Variants in ZNF316 observed in about 807,000 individuals in gnomAD.
ZNF316 encodes zinc finger protein 316.
In ZNF316, 23 loss-of-function variants were observed where a neutral mutation model predicts 75.6. That is an observed-to-expected ratio of 0.30 (90% CI 0.22 to 0.43). The LOEUF (loss-of-function observed/expected upper bound fraction) is 0.43. ZNF316 is among the 20% of genes least tolerant of loss of function. ZNF316 has a pLI of 1.00. For synonymous variants in ZNF316, 827 were observed against 666.2 expected, an observed-to-expected ratio of 1.24 and a Z score of -3.72; for missense variants, 1,266 against 1,409.4, an observed-to-expected ratio of 0.90 and a Z score of 1.63.
intron 8 of ZNF316, among the ~76,000 whole-genome samples, chr7:6,651,888 C>T (rs1779513709): frequency 6.6e-6 from 1 of 152,194 alleles, no homozygotes; most frequent in Admixed American, 6.5e-5. Flanking sequence ...GAAAACTGCC[C>T]CAGCGTCTCC....
chr7:6,646,692 C>T (rs1175374998), intron 8 of ZNF316, among the ~76,000 whole-genome samples: 3 of 152,208 alleles, frequency 2.0e-5, no homozygotes, highest in South Asian at 4.1e-4. Flanking sequence ...GCTACCCTCC[C>T]CTGATGCTCC....
Position 6,652,821 on chromosome 7 carries a change from C to T in ZNF316, c.1225C>T (p.Arg409Cys). The T allele has an allele frequency of 2.4e-6, 3 of 1,260,590 alleles. No homozygotes were observed. Among genetic ancestry groups the T allele is most frequent in the Non-Finnish European group, 3.0e-6 (3 of 1,002,778 alleles). 78.1% of individuals were successfully genotyped at this position (1,260,590 alleles called of 1,614,324 possible). ...CTTCCCGTGCCCGGACTGCGGCAAG[C>T]GCTTCGTCTACAAGTCGCACCTGGT... ...KPFPCPDCGK[R>C]FVYKSHLVTH... Residue 409 changes from arginine to cysteine, a missense_variant, in exon 9 of 9, where the codon CGC (arginine) becomes TGC (cysteine). Physicochemically the swap from Arg to Cys is radical, Grantham distance 180. Transcript: ENST00000382252.
At position 6,639,729 on chromosome 7, in the gene ZNF316, C is replaced by T. The variant is rs1779279721; in HGVS notation, c.-167+588C>T. ...ACCTAGGCCCAGCCTGAATCTGCGG[C>T]CTGAGGCTTGAAAGAGAAAAGCCCT... On this transcript the variant is annotated intron_variant, in intron 3 of 8. Coordinates refer to ENST00000382252, the MANE Select transcript of ZNF316 (RefSeq NM_001278559.2). The surrounding 1 kb of genome is among the most constrained non-coding windows in gnomAD (Gnocchi z 4.2). 6.6e-6 allele frequency among the ~76,000 whole-genome samples: 1 copy of T among 152,176 alleles called. No homozygotes were observed. The highest frequency in any genetic ancestry group is 1.5e-5 in the Non-Finnish European group (1 of 68,028).
Position 6,642,294 on chromosome 7 carries a change from G to GCA in ZNF316, c.-28-87_-28-86insAC. 1.7e-6 allele frequency: 1 copy of GCA among 579,810 alleles called. No individual in the cohort carries two copies. The highest frequency in any genetic ancestry group is 1.9e-5 in the African/African-American group (1 of 52,124). The allele number at this position is 579,810 out of a possible 1,614,324, so 35.9% of individuals were successfully genotyped here. On this transcript the variant is annotated intron_variant, in intron 4 of 8. Coordinates refer to ENST00000382252, the MANE Select transcript of ZNF316 (RefSeq NM_001278559.2). The surrounding 1 kb of genome is among the most constrained non-coding windows in gnomAD (Gnocchi z 8.1). ...ACAGGAGGAGTAAATCCTGCTCCCTGCGCCCCCGCCAGGCTGCGGGAGACC... is the reference window on the plus strand; with the variant it reads ...ACAGGAGGAGTAAATCCTGCTCCCTGCACGCCCCCGCCAGGCTGCGGGAGACC...
chr7:6,651,763 C>G (rs1016261298), intron 8 of ZNF316, among the ~76,000 whole-genome samples: 1 of 152,104 alleles, frequency 6.6e-6, no homozygotes, highest in Non-Finnish European at 1.5e-5. Flanking sequence ...ACTCTTGTCT[C>G]AAAACAAAAA....
rs754049832 is a variant in ZNF316, at chr7:6,656,183, TGAG to T, written c.*1576_*1578del. 1 of 152,072 alleles carries T rather than the reference TGAG, an allele frequency of 6.6e-6. No homozygotes were observed. Among genetic ancestry groups the T allele is most frequent in the Non-Finnish European group, 1.5e-5 (1 of 68,174 alleles). The allele number at this position is 152,072 out of a possible 1,614,324, so 9.4% of individuals were successfully genotyped here. ...TTGGTGAGGTTGCGGGGCGGGGTGGTGAGGAGAGCAGGGGTCCCAGGGAGGCAT... is the reference window on the plus strand; with the variant it reads ...TTGGTGAGGTTGCGGGGCGGGGTGGTGAGAGCAGGGGTCCCAGGGAGGCAT... On this transcript the variant is annotated 3_prime_UTR_variant, in exon 9 of 9. Transcript: ENST00000382252.
intron 8 of ZNF316, among the ~76,000 whole-genome samples, chr7:6,650,862 T>G (rs1779495493): frequency 6.6e-6 from 1 of 152,206 alleles, no homozygotes; most frequent in Non-Finnish European, 1.5e-5. Context: ...ACTTAGTGCC[T>G]GCTCCATAGA....
Position 6,642,919 on chromosome 7 carries a change from G to A in ZNF316, c.356-45G>A. On this transcript the variant is annotated intron_variant, in intron 5 of 8. Transcript: ENST00000382252. This position sits in a 1 kb window ranked among gnomAD's most constrained non-coding sequence, Gnocchi z 8.1. ...GTTGCCAGGGCTCCTGGCCCTGCAG[G>A]CTGGGGGCTCAGGGCAGCTGGCCCT... The A allele has an allele frequency of 1.6e-6, 2 of 1,232,436 alleles. No homozygotes were observed. The highest frequency in any genetic ancestry group is 1.0e-6 in the Non-Finnish European group (1 of 988,246). 76.3% of individuals were successfully genotyped at this position (1,232,436 alleles called of 1,614,324 possible). A position where few individuals can be genotyped will look rare whatever the true frequency, so the allele number is the denominator to read the frequency against.
intron 8 of ZNF316, among the ~76,000 whole-genome samples, chr7:6,647,940 G>A (rs1035616447): frequency 6.6e-6 from 1 of 152,214 alleles, no homozygotes; most frequent in Non-Finnish European, 1.5e-5. Flanking sequence ...CCCCCACGCT[G>A]TGCCCAGGGC....
At chr7:6,646,577 G>A (rs1420668360) in intron 8 of ZNF316, among the ~76,000 whole-genome samples, 5 of 152,108 alleles carry the variant, frequency 3.3e-5, no homozygotes, top group East Asian at 1.9e-4. Flanking sequence ...CATCCCCTGC[G>A]GATGGTCGTC....
In ZNF316 at chr7:6,642,116, G is replaced by A. The variant is rs1474906914; in HGVS notation, c.-29+154G>A. 1.2e-5 allele frequency: 4 copies of A among 325,076 alleles called. No individual in the cohort carries two copies. Among genetic ancestry groups the A allele is most frequent in the African/African-American group, 6.4e-5 (3 of 47,166 alleles). The allele number at this position is 325,076 out of a possible 1,614,324, so 20.1% of individuals were successfully genotyped here. On this transcript the variant is annotated intron_variant, in intron 4 of 8. Coordinates refer to ENST00000382252, the MANE Select transcript of ZNF316 (RefSeq NM_001278559.2). This position sits in a 1 kb window ranked among gnomAD's most constrained non-coding sequence, Gnocchi z 8.1. ...AGCAGCAGTTCACACCAGGCACGTA[G>A]TTCTTGGTGAAAAGGAGCTGAGACT...
chr7:6,643,710 TG>T, intron 6 of ZNF316, 111 bp from the exon 7 acceptor site: 3 of 1,002,734 alleles, frequency 3.0e-6, no homozygotes, highest in Non-Finnish European at 3.8e-6. Flanking sequence ...CAGTGCCATC[TG>T]GGCATCTGTG....
rs1250427273 is a variant in ZNF316 at position 6,654,777 on chromosome 7, C to T, written c.*166C>T. ...CCCCGGGTCTCATGCCCGCCGGGTCCGTGTGCTCAGCCGGAGACGTGGGGG... is the reference window on the plus strand; with the variant it reads ...CCCCGGGTCTCATGCCCGCCGGGTCTGTGTGCTCAGCCGGAGACGTGGGGG... On this transcript the variant is annotated 3_prime_UTR_variant, in exon 9 of 9. Transcript: ENST00000382252. The T allele has an allele frequency of 5.6e-6, 3 of 539,892 alleles. No individual in the cohort carries two copies. The highest frequency in any genetic ancestry group is 9.4e-5 in the South Asian group (1 of 10,634). The allele number at this position is 539,892 out of a possible 1,614,324, so 33.4% of individuals were successfully genotyped here. A position where few individuals can be genotyped will look rare whatever the true frequency, so the allele number is the denominator to read the frequency against.
intron 8 of ZNF316, among the ~76,000 whole-genome samples, chr7:6,648,366 T>C (rs1779446619): frequency 6.6e-6 from 1 of 152,086 alleles, no homozygotes; most frequent in African/African-American, 2.4e-5. Flanking sequence ...CAGGACCTGA[T>C]GGCAGGAAAG....
In ZNF316 at chr7:6,644,613, T is replaced by C. The variant is rs2115310756; in HGVS notation, c.706+20T>C. ...ACACAGGTGAGCGTGGATGGAATTT[T>C]GCGGTTTGTGCCGATAGCTTCTCAG... On this transcript the variant is annotated intron_variant, in intron 8 of 8. Transcript: ENST00000382252. 1 of 1,215,686 alleles carries C rather than the reference T, an allele frequency of 8.2e-7. No homozygotes were observed. The highest frequency in any genetic ancestry group is 1.0e-6 in the Non-Finnish European group (1 of 972,934). The allele number at this position is 1,215,686 out of a possible 1,614,324, so 75.3% of individuals were successfully genotyped here.
At position 6,639,756 on chromosome 7, in the gene ZNF316, C is replaced by T. The variant is rs770224415; in HGVS notation, c.-167+615C>T. On this transcript the variant is annotated intron_variant, in intron 3 of 8. Coordinates refer to ENST00000382252, the MANE Select transcript of ZNF316 (RefSeq NM_001278559.2). The surrounding 1 kb of genome is among the most constrained non-coding windows in gnomAD (Gnocchi z 4.2). Reference sequence around the variant, plus strand: ...TGAGGCTTGAAAGAGAAAAGCCCTCCTCTGGGCCTCAAGTGGGTGGCAGTT... The same window carrying T: ...TGAGGCTTGAAAGAGAAAAGCCCTCTTCTGGGCCTCAAGTGGGTGGCAGTT... Among the ~76,000 whole-genome samples the T allele has an allele frequency of 6.6e-6, 1 of 152,192 alleles. No individual in the cohort carries two copies. The highest frequency in any genetic ancestry group is 1.5e-5 in the Non-Finnish European group (1 of 68,044).
rs912194603 is a variant in ZNF316 at position 6,640,473 on chromosome 7, C to T, written c.-167+1332C>T. On this transcript the variant is annotated intron_variant, in intron 3 of 8. Transcript: ENST00000382252. This position sits in a 1 kb window ranked among gnomAD's most constrained non-coding sequence, Gnocchi z 5.1. ...GGGAGGCGCCACACACTTTTAAAGACGACCAGATGTCCTGTGAACTCATTA... is the reference window on the plus strand; with the variant it reads ...GGGAGGCGCCACACACTTTTAAAGATGACCAGATGTCCTGTGAACTCATTA... 3.9e-5 allele frequency among the ~76,000 whole-genome samples: 6 copies of T among 152,152 alleles called. No homozygotes were observed. The highest frequency in any genetic ancestry group is 1.2e-4 in the African/African-American group (5 of 41,416).
chr7:6,647,599 G>C (rs1262975005), intron 8 of ZNF316, among the ~76,000 whole-genome samples: 1 of 152,258 alleles, frequency 6.6e-6, no homozygotes, highest in Non-Finnish European at 1.5e-5. Flanking sequence ...CTCCAGGCCA[G>C]GCCCCAGTGG....
rs959451942 is a variant in ZNF316, at chr7:6,652,595, C to T, written c.999C>T (p.Pro333=). The change falls in exon 9 of 9, where the codon CCC becomes CCT. Residue 333 remains proline, a synonymous_variant. Transcript: ENST00000382252. ...ACCTGCTGTCGCCCTGGGCGTTCCC[C>T]GCCGCAGTGGCCCCGCCGGCCGGGA... The part of the protein sequence containing the change: ...GANLLSPWAF[P]AAVAPPAGRP... 84 of 1,230,532 alleles carry T rather than the reference C, an allele frequency of 6.8e-5. No homozygotes were observed. Among genetic ancestry groups the T allele is most frequent in the Middle Eastern group, 6.2e-4 (2 of 3,202 alleles). 76.2% of individuals were successfully genotyped at this position (1,230,532 alleles called of 1,614,324 possible).
Sources: gnomAD v4.1 joint callset for allele counts (sites outside exome capture counted in the v4.1 genomes callset) on GRCh38, gnomAD v4.1.1 for gene constraint, Gnocchi (gnomAD v3.1) non-coding constraint, MANE v1.5 for transcripts, NCBI Gene and HGNC (gene_info 2026-07-23, HGNC 2026-07-21) for gene names.